Variants in LARGE1 observed in about 807,000 individuals in gnomAD.
The protein encoded by LARGE1 is xylosyl- and glucuronyltransferase LARGE1.
Under a neutral mutation model 87.6 loss-of-function variants are expected in LARGE1, and 43 were observed. The observed-to-expected ratio is 0.49, with a 90% CI of 0.38 to 0.63. The LOEUF (loss-of-function observed/expected upper bound fraction) is 0.63. LARGE1 is among the 30% of genes least tolerant of loss of function. The probability of loss-of-function intolerance (pLI) is 0.00; values close to 1 mark genes in which losing one functional copy is unlikely to be tolerated. For synonymous variants in LARGE1, 434 were observed against 394.6 expected (o/e 1.10, Z -1.18); for missense variants, 802 against 1,000.2 (o/e 0.80, Z 2.67).
chr22:33,784,917 G>A (rs1404885371), intron 1 of LARGE1, among the ~76,000 whole-genome samples: 1 of 148,038 alleles, frequency 6.8e-6, no homozygotes, highest in Non-Finnish European at 1.5e-5. Context: ...ATATGTGTGT[G>A]TATATACATA....
chr22:33,425,921 T>G (rs889019316), intron 7 of LARGE1, among the ~76,000 whole-genome samples: 4 of 152,154 alleles, frequency 2.6e-5, no homozygotes, highest in African/African-American at 9.7e-5. Flanking sequence ...ATTTATTTTG[T>G]ATTTTTAGTA....
intron 6 of LARGE1, among the ~76,000 whole-genome samples, chr22:33,540,704 T>C (rs1041448890): frequency 1.3e-5 from 2 of 152,282 alleles, no homozygotes; most frequent in Non-Finnish European, 2.9e-5. Context: ...CCACTGCCCA[T>C]ACCAGAGGTT....
chr22:33,096,657 C>G, the LARGE1 span, among the ~76,000 whole-genome samples: 3 of 151,112 alleles, frequency 2.0e-5, no homozygotes, highest in Non-Finnish European at 4.4e-5. Flanking sequence ...CTCCTCCTCC[C>G]GGGTTCACGC....
intron 1 of LARGE1, among the ~76,000 whole-genome samples, chr22:33,804,263 A>T (rs116902767): frequency 1.4e-4 from 21 of 152,204 alleles, no homozygotes; most frequent in Non-Finnish European, 2.5e-4. Context: ...TATCCAAAAT[A>T]TAATAAATCT....
intron 5 of LARGE1, among the ~76,000 whole-genome samples, chr22:33,592,962 C>G (rs528100026): frequency 6.6e-6 from 1 of 152,252 alleles, no homozygotes; most frequent in South Asian, 2.1e-4. Context: ...GCCTCAGCCT[C>G]CCGAGTAGCT....
intron 6 of LARGE1, among the ~76,000 whole-genome samples, chr22:33,497,171 G>T (rs1189702130): frequency 1.3e-5 from 2 of 151,720 alleles, no homozygotes; most frequent in Non-Finnish European, 2.9e-5. Flanking sequence ...TGACTCCCTG[G>T]TTCAAGCGAA....
chr22:33,348,682 A>C (rs1196196888), intron 9 of LARGE1, among the ~76,000 whole-genome samples: 2 of 152,122 alleles, frequency 1.3e-5, no homozygotes, highest in Non-Finnish European at 2.9e-5. Flanking sequence ...GCCCTGATAG[A>C]ACAAAAAACT....
At chr22:33,348,189 G>A (rs1939971295) in intron 9 of LARGE1, among the ~76,000 whole-genome samples, 1 of 151,996 alleles carries the variant, frequency 6.6e-6, no homozygotes, top group Admixed American at 6.5e-5. Flanking sequence ...GTACTGGGCA[G>A]ATGGGAGGTG....
intron 11 of LARGE1, among the ~76,000 whole-genome samples, chr22:33,195,897 G>T (rs1268396560): frequency 6.6e-6 from 1 of 151,394 alleles, no homozygotes; most frequent in East Asian, 1.9e-4. Flanking sequence ...TGGGACTACA[G>T]GCGCCCGCCA....
intron 6 of LARGE1, among the ~76,000 whole-genome samples, chr22:33,453,090 A>C (rs1319881882): frequency 1.3e-5 from 2 of 152,212 alleles, no homozygotes; most frequent in African/African-American, 4.8e-5. Context: ...CTCTACAGAC[A>C]GGTTTGTAGT....
chr22:33,885,157 G>A (rs774593526), intron 1 of LARGE1, among the ~76,000 whole-genome samples: 5 of 152,206 alleles, frequency 3.3e-5, no homozygotes, highest in South Asian at 4.1e-4. Context: ...GACAGCCCTC[G>A]CTTTCAAACC....
intron 11 of LARGE1, among the ~76,000 whole-genome samples, chr22:33,236,015 G>A (rs111301639): frequency 1.8e-4 from 28 of 152,320 alleles, no homozygotes; most frequent in African/African-American, 6.5e-4. Flanking sequence ...AGGGAAGAAA[G>A]CCATGTGATG....
At chr22:33,451,192 C>T (rs573847876) in intron 6 of LARGE1, among the ~76,000 whole-genome samples, 1 of 152,182 alleles carries the variant, frequency 6.6e-6, no homozygotes, top group South Asian at 2.1e-4. Context: ...GATATCCTTT[C>T]CGATGGAGGC....
At chr22:33,507,226 G>A (rs541658089) in intron 6 of LARGE1, among the ~76,000 whole-genome samples, 96 of 152,300 alleles carry the variant, frequency 6.3e-4, no homozygotes, top group African/African-American at 2.2e-3. Context: ...AGACCCGAGA[G>A]CAGGTATGCT....
intron 9 of LARGE1, among the ~76,000 whole-genome samples, chr22:33,340,670 T>TGGGA (rs1343854971): frequency 6.6e-6 from 1 of 151,924 alleles, no homozygotes; most frequent in Non-Finnish European, 1.5e-5. Flanking sequence ...TGCCCTTGAC[T>TGGGA]GGGAGCCTTC....
intron 6 of LARGE1, among the ~76,000 whole-genome samples, chr22:33,539,615 G>C (rs1485864571): frequency 2.7e-5 from 4 of 149,698 alleles, no homozygotes; most frequent in Non-Finnish European, 3.0e-5. Context: ...TTTGAGACAG[G>C]GTCTCGCTCC....
intron 10 of LARGE1, among the ~76,000 whole-genome samples, chr22:33,329,901 C>T (rs998108989): frequency 6.6e-6 from 1 of 152,038 alleles, no homozygotes; most frequent in Admixed American, 6.5e-5. Context: ...TTGCATGTTT[C>T]TAAATAGCAA....
chr22:33,867,819 T>C (rs890568178), intron 1 of LARGE1, among the ~76,000 whole-genome samples: 3 of 152,176 alleles, frequency 2.0e-5, no homozygotes, highest in Non-Finnish European at 2.9e-5. Flanking sequence ...TTAAATAAAG[T>C]GCCCAAGTCT....
chr22:33,666,333 A>G (rs1287569616), intron 2 of LARGE1, among the ~76,000 whole-genome samples: 2 of 152,206 alleles, frequency 1.3e-5, no homozygotes, highest in African/African-American at 4.8e-5. Flanking sequence ...AGAAGAAAGG[A>G]AAGAAGAATC....
Sources: gnomAD v4.1 joint callset for allele counts (sites outside exome capture counted in the v4.1 genomes callset) on GRCh38, gnomAD v4.1.1 for gene constraint, MANE v1.5 for transcripts, NCBI Gene and HGNC (gene_info 2026-07-23, HGNC 2026-07-21) for gene names.